The following CRTC3 variants were observed in gnomAD, a reference collection of about 807,000 sequenced individuals.
CRTC3 encodes the protein CREB regulated transcription coactivator 3, also known as CREB-regulated transcription coactivator 3.
In CRTC3, 26 loss-of-function variants were observed where a neutral mutation model predicts 74.5. That is an observed-to-expected ratio of 0.35 (90% CI 0.26 to 0.48). The LOEUF is 0.48. CRTC3 is among the 20% of genes least tolerant of loss of function. The probability of loss-of-function intolerance (pLI) is 0.99; values close to 1 mark genes in which losing one functional copy is unlikely to be tolerated. For missense variants in CRTC3, 760 were observed against 787.3 expected, an observed-to-expected ratio of 0.97 and a Z score of 0.41; for synonymous variants, 377 against 325.8, an observed-to-expected ratio of 1.16 and a Z score of -1.69.
chr15:90,644,487 C>T lies in CRTC3; in HGVS notation c.*2347C>T, dbSNP rs1318303815. Reference sequence around the variant, plus strand: ...CCACCCTGCCTGGCAACAGAGACCCCAAGACCTACACAGTGAACCCTACTG... The same window carrying T: ...CCACCCTGCCTGGCAACAGAGACCCTAAGACCTACACAGTGAACCCTACTG... On this transcript the variant is annotated 3_prime_UTR_variant, in exon 15 of 15. Coordinates refer to ENST00000268184, the MANE Select transcript of CRTC3 (RefSeq NM_022769.5). 4.3e-6 allele frequency: 1 copy of T among 232,536 alleles called. No homozygotes were observed. Among genetic ancestry groups the T allele is most frequent in the East Asian group, 6.1e-5 (1 of 16,486 alleles). 14.4% of individuals were successfully genotyped at this position (232,536 alleles called of 1,614,324 possible).
chr15:90,639,786 G>A (rs1336537629), intron 13 of CRTC3, among the ~76,000 whole-genome samples: 2 of 149,030 alleles, frequency 1.3e-5, no homozygotes, highest in African/African-American at 2.5e-5. Flanking sequence ...AGTGGCTCAC[G>A]CCTGTAATCC....
intron 7 of CRTC3, 62 bp downstream of exon 7, chr15:90,614,550 C>T (rs1968440733): frequency 9.3e-7 from 1 of 1,079,064 alleles, no homozygotes; most frequent in African/African-American, 1.6e-5. Context: ...CATAACCTTT[C>T]AATACCTTTA....
intron 2 of CRTC3, among the ~76,000 whole-genome samples, chr15:90,589,901 C>T (rs541743093): frequency 3.3e-5 from 5 of 151,978 alleles, no homozygotes; most frequent in South Asian, 2.1e-4. Context: ...GCAGGAGAAT[C>T]GCTTGAACCC....
chr15:90,568,592 C>G (rs1276471626), intron 2 of CRTC3, among the ~76,000 whole-genome samples: 1 of 151,012 alleles, frequency 6.6e-6, no homozygotes, highest in Non-Finnish European at 1.5e-5. Flanking sequence ...CTTAAGTGTT[C>G]CACCTGCCTT....
chr15:90,565,935 C>T (rs1023824990), intron 2 of CRTC3, among the ~76,000 whole-genome samples: 1 of 152,134 alleles, frequency 6.6e-6, no homozygotes, highest in African/African-American at 2.4e-5. Context: ...GCATGTCTTT[C>T]ACTTTAAATA....
chr15:90,603,799 A>G (rs1271640932), intron 4 of CRTC3, among the ~76,000 whole-genome samples: 1 of 152,226 alleles, frequency 6.6e-6, no homozygotes, highest in African/African-American at 2.4e-5. Flanking sequence ...GGATCTGGGA[A>G]AGGAAATAAA....
intron 2 of CRTC3, among the ~76,000 whole-genome samples, chr15:90,558,760 A>AT (rs982403823): frequency 8.0e-5 from 12 of 149,814 alleles, no homozygotes; most frequent in Admixed American, 2.7e-4. Flanking sequence ...ATACACATTT[A>AT]TTTTTTTTTG....
chr15:90,600,474 A>T (rs1037329137), intron 3 of CRTC3: 15 of 152,188 alleles, frequency 9.9e-5, no homozygotes, highest in Admixed American at 2.0e-4. Context: ...GGCATTTGGC[A>T]TAGTTCACTG....
chr15:90,611,049 C>T (rs999677391), intron 6 of CRTC3, among the ~76,000 whole-genome samples: 2 of 152,034 alleles, frequency 1.3e-5, no homozygotes, highest in East Asian at 1.9e-4. Flanking sequence ...TGCAAAGAAC[C>T]TTGAAAGATG....
intron 6 of CRTC3, among the ~76,000 whole-genome samples, chr15:90,609,903 G>T (rs1444709058): frequency 6.6e-6 from 1 of 152,224 alleles, no homozygotes; most frequent in Non-Finnish European, 1.5e-5. Flanking sequence ...GTTAGAAATT[G>T]TTGGGCTACA....
In CRTC3 at chr15:90,585,233, C is replaced by G. The variant is rs117375668; in HGVS notation, c.232-8403C>G. On this transcript the variant is annotated intron_variant, in intron 2 of 14. Transcript: ENST00000268184. ...GATCATAGCTCACTGCAGCCTCCAC[C>G]TCCTGTGCTCAAGGGATCTTCCCAC... Among the ~76,000 whole-genome samples, 37 of 152,322 alleles carry G rather than the reference C, an allele frequency of 2.4e-4. No individual in the cohort carries two copies. The East Asian group carries it at 6.4e-3, about 26-fold the overall frequency.
chr15:90,574,723 G>C (rs1445124102), intron 2 of CRTC3, among the ~76,000 whole-genome samples: 1 of 152,104 alleles, frequency 6.6e-6, no homozygotes, highest in Non-Finnish European at 1.5e-5. Context: ...TTGTCAAACT[G>C]TTTGATCTCT....
At chr15:90,605,374 C>T (rs1372732964) in intron 5 of CRTC3, among the ~76,000 whole-genome samples, 1 of 152,192 alleles carries the variant, frequency 6.6e-6, no homozygotes, top group East Asian at 1.9e-4. Context: ...CCAGTCTCTC[C>T]AAACCTACCT....
intron 13 of CRTC3, 188 bp from the exon 14 acceptor site, chr15:90,640,909 G>T (rs1042944799): frequency 5.1e-6 from 3 of 583,842 alleles, no homozygotes; most frequent in Middle Eastern, 4.6e-4. Flanking sequence ...CTCCACCCCA[G>T]CGTCTGCCTG....
chr15:90,554,934 C>T (rs922285466), intron 2 of CRTC3, among the ~76,000 whole-genome samples: 10 of 152,180 alleles, frequency 6.6e-5, no homozygotes, highest in African/African-American at 2.4e-4. Flanking sequence ...TATCCCCACC[C>T]TGACAATATT....
At chr15:90,584,483 C>T (rs8038442) in intron 2 of CRTC3, among the ~76,000 whole-genome samples, 102,035 of 151,998 alleles carry the variant, frequency 0.67, 34,455 homozygotes, top group South Asian at 0.84. Flanking sequence ...GTGATCCTCC[C>T]GCCTCAGCCT....
In CRTC3 at chr15:90,642,154, GAACAGAAGAATGTTTTTCTGC is replaced by G; in HGVS notation, c.*20_*40del. The G allele has an allele frequency of 6.2e-7, 1 of 1,610,282 alleles. No individual in the cohort carries two copies. The highest frequency in any genetic ancestry group is 8.5e-7 in the Non-Finnish European group (1 of 1,176,842). ...GACAGACTGTGAACAGAAGGCAGTG[GAACAGAAGAATGTTTTTCTGC>G]AACAGCCAAAATAGAATGGAATAGA... On this transcript the variant is annotated 3_prime_UTR_variant, in exon 15 of 15. Coordinates refer to ENST00000268184, the MANE Select transcript of CRTC3 (RefSeq NM_022769.5).
intron 3 of CRTC3, chr15:90,598,205 T>A (rs2151079977): frequency 1.9e-6 from 1 of 534,496 alleles, no homozygotes; most frequent in South Asian, 2.3e-5. Context: ...TCCTGAGCCC[T>A]GCCCAGGTAC....
At chr15:90,591,286 A>G (rs571521176) in intron 2 of CRTC3, among the ~76,000 whole-genome samples, 71 of 150,910 alleles carry the variant, frequency 4.7e-4, no homozygotes, top group Non-Finnish European at 8.7e-4. Flanking sequence ...TGTAGAGCTA[A>G]TTTTTCTTTC....
Sources: gnomAD v4.1 joint callset for allele counts (sites outside exome capture counted in the v4.1 genomes callset) on GRCh38, gnomAD v4.1.1 for gene constraint, MANE v1.5 for transcripts, NCBI Gene and HGNC (gene_info 2026-07-23, HGNC 2026-07-21) for gene names.